The following LIPA variants were observed in gnomAD, a reference collection of about 807,000 sequenced individuals.
LIPA encodes lysosomal acid lipase/cholesteryl ester hydrolase.
Under a neutral mutation model 40.6 loss-of-function variants are expected in LIPA, and 26 were observed. The ratio of observed to expected loss-of-function variants is 0.64; its 90% CI spans 0.47 to 0.89. The LOEUF is 0.89. Among genes scored for constraint, LIPA ranks in the 40% least tolerant of loss-of-function variants. The pLI is 0.00. For missense variants in LIPA, 455 were observed against 479.6 expected (o/e 0.95, Z 0.48); for synonymous variants, 188 against 168.4 (o/e 1.12, Z -0.90).
At chr10:89,376,456 C>T (rs1021106566) in intron 2 of LIPA, among the ~76,000 whole-genome samples, 11 of 152,056 alleles carry the variant, frequency 7.2e-5, no homozygotes, top group African/African-American at 2.4e-4. Flanking sequence ...CTGGGTAGTC[C>T]TTCTTGTCTA....
intron 3 of LIPA, among the ~76,000 whole-genome samples, chr10:89,232,200 C>T (rs1037337510): frequency 1.1e-4 from 17 of 152,162 alleles, no homozygotes; most frequent in African/African-American, 3.9e-4. Flanking sequence ...GGTGACCGGG[C>T]GCTGTACGAT....
chr10:89,231,412 G>T lies in LIPA; in HGVS notation c.230-3014C>A, dbSNP rs143953314. On this transcript the variant is annotated intron_variant, in intron 3 of 9. Transcript: ENST00000336233. Reference sequence around the variant, plus strand: ...CTCCCTGGAGTTGTACAACCTGGGGGTGCTATACCCTCGTGTTGTTAAAAT... The same window carrying T: ...CTCCCTGGAGTTGTACAACCTGGGGTTGCTATACCCTCGTGTTGTTAAAAT... Among the ~76,000 whole-genome samples, 591 of 151,836 alleles carry T rather than the reference G, an allele frequency of 3.9e-3. 9 individuals carry two copies. The highest frequency in any genetic ancestry group is 0.014 in the African/African-American group (567 of 41,150).
intron 2 of LIPA, among the ~76,000 whole-genome samples, chr10:89,372,667 CA>C (rs1844097990): frequency 6.6e-6 from 1 of 152,070 alleles, no homozygotes. Flanking sequence ...CTGCCTTGGC[CA>C]TGCTAACAAT....
intron 1 of LIPA, chr10:89,307,193 G>A: frequency 3.7e-6 from 6 of 1,613,944 alleles, no homozygotes; most frequent in Non-Finnish European, 5.1e-6. Flanking sequence ...AAAGATGAAA[G>A]ACAAACTGCA....
chr10:89,298,480 C>G (rs1309100657), intron 1 of LIPA, among the ~76,000 whole-genome samples: 4 of 152,156 alleles, frequency 2.6e-5, no homozygotes, highest in Non-Finnish European at 5.9e-5. Flanking sequence ...AGTTGAAGTG[C>G]CTTACTCAAC....
At chr10:89,323,330 C>T (rs556122784) in intron 1 of LIPA, among the ~76,000 whole-genome samples, 1 of 152,156 alleles carries the variant, frequency 6.6e-6, no homozygotes, top group Non-Finnish European at 1.5e-5. Context: ...CCAAGGTCAA[C>T]ATCATACTGA....
In LIPA at chr10:89,214,049, C is replaced by A. The variant is rs531443999; in HGVS notation, c.*779G>T. 3.9e-5 allele frequency: 6 copies of A among 152,336 alleles called. No homozygotes were observed. The East Asian group carries it at 1.2e-3, about 29-fold the overall frequency. The allele number at this position is 152,336 out of a possible 1,614,324, so 9.4% of individuals were successfully genotyped here. A position where few individuals can be genotyped will look rare whatever the true frequency, so the allele number is the denominator to read the frequency against. Reference sequence around the variant, plus strand: ...GTATAGTCTCCACAGGGATTTGCTTCTCAGATAAGTAGAACTATGGCCTGC... The same window carrying A: ...GTATAGTCTCCACAGGGATTTGCTTATCAGATAAGTAGAACTATGGCCTGC... On this transcript the variant is annotated 3_prime_UTR_variant, in exon 10 of 10. Coordinates refer to ENST00000336233, the MANE Select transcript of LIPA (RefSeq NM_000235.4).
chr10:89,313,425 C>T (rs1843525884), intron 1 of LIPA, among the ~76,000 whole-genome samples: 2 of 152,196 alleles, frequency 1.3e-5, no homozygotes, highest in East Asian at 1.9e-4. Context: ...TCTGTATTAC[C>T]TCAAAAATAA....
intron 2 of LIPA, among the ~76,000 whole-genome samples, chr10:89,361,067 A>C (rs142458926): frequency 3.3e-5 from 5 of 152,216 alleles, no homozygotes; most frequent in Non-Finnish European, 5.9e-5. Context: ...CGTCCTCCCA[A>C]TGTGCTCATC....
At chr10:89,222,469 T>A in intron 8 of LIPA, 42 bp downstream of exon 8, 1 of 1,253,864 alleles carries the variant, frequency 8.0e-7, no homozygotes, top group East Asian at 2.3e-5. Flanking sequence ...CTTTCTGATG[T>A]TGATTTTACA....
Position 89,247,407 on chromosome 10 carries a change from AAAAAT to A in LIPA, c.111+126_111+130del. 9 of 564,502 alleles carry A rather than the reference AAAAAT, an allele frequency of 1.6e-5. 1 individual carries two copies. Among genetic ancestry groups the A allele is most frequent in the African/African-American group, 1.4e-4 (6 of 41,622 alleles). The allele number at this position is 564,502 out of a possible 1,614,324, so 35.0% of individuals were successfully genotyped here. On this transcript the variant is annotated intron_variant, in intron 2 of 9. Coordinates refer to ENST00000336233, the MANE Select transcript of LIPA (RefSeq NM_000235.4). ...AAAAAAAAAAAAAAAAAAAAAAAAA[AAAAAT>A]TCAGAGAAATTGAAAAGCAAAGGAG... is the stretch of plus-strand genomic sequence containing the variant.
At chr10:89,392,697 C>T (rs545460891) in intron 2 of LIPA, 2 of 1,614,042 alleles carry the variant, frequency 1.2e-6, no homozygotes, top group South Asian at 1.1e-5. Context: ...GAACGGCTGC[C>T]TAATTTACAG....
intron 1 of LIPA, among the ~76,000 whole-genome samples, chr10:89,321,699 C>A (rs1194155985): frequency 2.0e-5 from 3 of 152,324 alleles, no homozygotes; most frequent in Non-Finnish European, 4.4e-5. Context: ...TACCATTTGA[C>A]CCAGCCATCC....
chr10:89,286,344 C>T (rs1843340900), intron 1 of LIPA, among the ~76,000 whole-genome samples: 1 of 152,056 alleles, frequency 6.6e-6, no homozygotes, highest in Admixed American at 6.5e-5. Context: ...CAGGCTGCTC[C>T]TAGCCAGGCC....
At position 89,245,774 on chromosome 10, in the gene LIPA, C is replaced by A. The variant is rs754033834; in HGVS notation, c.131G>T (p.Trp44Leu). Residue 44 changes from tryptophan (W) to leucine (L), a missense_variant, in exon 3 of 10, where the codon TGG (tryptophan) becomes TTG (leucine). Physicochemically the swap from Trp to Leu is moderately conservative, Grantham distance 61. Coordinates refer to ENST00000336233, the MANE Select transcript of LIPA (RefSeq NM_000235.4). ...TAGGTATTCCTCACTAGGGAATCCCCAGTAAGAGATAATTTCACTCTGTAG... is the reference window on the plus strand; with the variant it reads ...TAGGTATTCCTCACTAGGGAATCCCAAGTAAGAGATAATTTCACTCTGTAG... ...NMNVSEIISY[W>L]GFPSEEYLVE... The A allele has an allele frequency of 1.7e-5, 27 of 1,570,466 alleles. 1 individual carries two copies. In the South Asian group the frequency reaches 2.8e-4, roughly 16 times the overall value.
At chr10:89,360,650 T>A (rs1844016708) in intron 2 of LIPA, among the ~76,000 whole-genome samples, 1 of 152,294 alleles carries the variant, frequency 6.6e-6, no homozygotes, top group Middle Eastern at 3.4e-3. Context: ...CGCCTCGGCC[T>A]CCCAAGGCAT....
intron 2 of LIPA, among the ~76,000 whole-genome samples, chr10:89,354,731 C>T (rs550924061): frequency 6.6e-6 from 1 of 152,236 alleles, no homozygotes; most frequent in East Asian, 1.9e-4. Flanking sequence ...CCACGCCCTG[C>T]TAATTTTTGT....
At position 89,403,005 on chromosome 10, in the gene LIPA, C is replaced by G. The variant is rs772301237; in HGVS notation, c.61+9786G>C. ...AGGAGAAAAGTACATTGAAGAAGCT[C>G]TAGCCAACATGTCCTCACAGACCTA... On this transcript the variant is annotated intron_variant, in intron 2 of 8. Transcript: ENST00000371837. The G allele has an allele frequency of 1.7e-5, 27 of 1,614,096 alleles. No homozygotes were observed. Among genetic ancestry groups the G allele is most frequent in the Non-Finnish European group, 2.0e-5 (24 of 1,180,042 alleles).
chr10:89,339,768 T>G, intron 1 of LIPA: 1 of 1,614,116 alleles, frequency 6.2e-7, no homozygotes. Flanking sequence ...AGAAATATAA[T>G]GGGAAGTCTG....
Sources: allele counts gnomAD v4.1 joint callset (sites outside exome capture counted in the v4.1 genomes callset), GRCh38; gene constraint gnomAD v4.1.1; transcripts MANE v1.5; gene names NCBI Gene and HGNC (gene_info 2026-07-23, HGNC 2026-07-21).